DGKB: variants seen among roughly 807,000 people sequenced by gnomAD.
DGKB encodes 90 kDa diacylglycerol kinase.
Under a neutral mutation model 114.3 loss-of-function variants are expected in DGKB, and 67 were observed. The ratio of observed to expected loss-of-function variants is 0.59; its 90% CI spans 0.48 to 0.72. DGKB has a LOEUF of 0.72. Ranked by LOEUF, DGKB falls within the 30% of genes least tolerant of loss-of-function variation. DGKB has a pLI of 0.00. For synonymous variants in DGKB, 398 were observed against 323.1 expected (o/e 1.23, Z -2.49); for missense variants, 907 against 975.2 (o/e 0.93, Z 0.93).
At chr7:14,853,623 G>A (rs1363252694) in intron 1 of DGKB, among the ~76,000 whole-genome samples, 3 of 151,732 alleles carry the variant, frequency 2.0e-5, no homozygotes, top group African/African-American at 7.3e-5. Flanking sequence ...TTGGGAGGCC[G>A]AGGTGGGCGG....
chr7:14,515,510 C>T (rs1308086972), intron 20 of DGKB, among the ~76,000 whole-genome samples: 2 of 152,098 alleles, frequency 1.3e-5, no homozygotes, highest in Admixed American at 1.3e-4. Context: ...ATATATTAAA[C>T]TACGTTTTCA....
chr7:14,176,539 A>C (rs1202374534), intron 25 of DGKB: 2 of 1,057,754 alleles, frequency 1.9e-6, no homozygotes, highest in Admixed American at 1.0e-4. Context: ...ATAAACTTTT[A>C]TTAATATTTT....
At chr7:14,603,265 T>C (rs1383561256) in intron 17 of DGKB, among the ~76,000 whole-genome samples, 2 of 152,166 alleles carry the variant, frequency 1.3e-5, no homozygotes, top group Non-Finnish European at 2.9e-5. Context: ...TTTTATTTTA[T>C]GATTAATCAT....
chr7:14,217,069 G>A (rs1789103339), intron 23 of DGKB, among the ~76,000 whole-genome samples: 1 of 152,060 alleles, frequency 6.6e-6, no homozygotes, highest in Admixed American at 6.6e-5. Flanking sequence ...TATGAATTGA[G>A]AAAGCCACTT....
In DGKB at chr7:14,338,645, T is replaced by G. The variant is rs1282617499; in HGVS notation, c.1992A>C (p.Pro664=). 1 of 1,605,470 alleles carries G rather than the reference T, an allele frequency of 6.2e-7. No homozygotes were observed. Among genetic ancestry groups the G allele is most frequent in the Non-Finnish European group, 8.5e-7 (1 of 1,175,090 alleles). ...AAAGATTGGATCCTCCATGCATGCT[T>G]GGTATATTCAAAATAGCAATTCCTT... The part of the protein sequence containing the change: ...SLEGIAILNI[P]SMHGGSNLWG... Residue 664 remains proline (P), a synonymous_variant, in exon 23 of 26, where the codon CCA becomes CCC. Coordinates refer to ENST00000402815, the MANE Select transcript of DGKB (RefSeq NM_001350709.2).
intron 1 of DGKB, among the ~76,000 whole-genome samples, chr7:14,943,979 G>C (rs1018728746): frequency 1.3e-5 from 2 of 151,826 alleles, no homozygotes; most frequent in Non-Finnish European, 2.9e-5. Flanking sequence ...CTCTTGAAAA[G>C]TGTGTTCATT....
chr7:14,671,636 G>A (rs1160613935), intron 13 of DGKB, among the ~76,000 whole-genome samples: 1 of 152,128 alleles, frequency 6.6e-6, no homozygotes, highest in Non-Finnish European at 1.5e-5. Flanking sequence ...AGTGGGCCAA[G>A]GAGGCAGACC....
At chr7:14,218,104 C>T (rs893566068) in intron 23 of DGKB, among the ~76,000 whole-genome samples, 1 of 152,058 alleles carries the variant, frequency 6.6e-6, no homozygotes, top group Non-Finnish European at 1.5e-5. Flanking sequence ...CCAGATGAAA[C>T]TTCGTGTTCA....
At chr7:14,533,061 C>T (rs1356910120) in intron 20 of DGKB, among the ~76,000 whole-genome samples, 1 of 151,712 alleles carries the variant, frequency 6.6e-6, no homozygotes, top group Non-Finnish European at 1.5e-5. Context: ...AAGTACCTGT[C>T]AAAGAATTCA....
At chr7:14,226,410 C>T (rs376686548) in intron 23 of DGKB, among the ~76,000 whole-genome samples, 11 of 151,738 alleles carry the variant, frequency 7.2e-5, no homozygotes, top group East Asian at 5.9e-4. Flanking sequence ...TTTTTAAAGG[C>T]GTGTAGATTA....
intron 1 of DGKB, among the ~76,000 whole-genome samples, chr7:14,943,272 A>T (rs1785675255): frequency 1.3e-5 from 2 of 151,974 alleles, no homozygotes; most frequent in Non-Finnish European, 2.9e-5. Flanking sequence ...GAAAAAAATC[A>T]TGTTCATATA....
At chr7:14,379,790 C>T (rs1182655576) in intron 21 of DGKB, among the ~76,000 whole-genome samples, 2 of 152,224 alleles carry the variant, frequency 1.3e-5, no homozygotes, top group African/African-American at 4.8e-5. Flanking sequence ...GATCTCCTGA[C>T]CTCGTGATCT....
intron 23 of DGKB, among the ~76,000 whole-genome samples, chr7:14,206,091 G>A (rs1786762539): frequency 6.6e-6 from 1 of 151,868 alleles, no homozygotes; most frequent in East Asian, 1.9e-4. Flanking sequence ...CTTAAAACTT[G>A]GCTTTACTGA....
At chr7:14,209,128 T>C in intron 23 of DGKB, 1 of 213,568 alleles carries the variant, frequency 4.7e-6, no homozygotes, top group Non-Finnish European at 9.4e-6. Flanking sequence ...AGTCCTTATA[T>C]ATTGAGGACA....
rs529384219 is a variant in DGKB at position 14,840,958 on chromosome 7, T to C, written c.70+236A>G. On this transcript the variant is annotated intron_variant, in intron 2 of 25. Coordinates refer to ENST00000402815, the MANE Select transcript of DGKB (RefSeq NM_001350709.2). ...CAGCTAGAGTGTTTTCCAAGCCTAA[T>C]TGTGCACCTAACATTTTAGTTCCTT... 1.4e-4 allele frequency among the ~76,000 whole-genome samples: 21 copies of C among 152,252 alleles called. 1 individual carries two copies. Among genetic ancestry groups the C allele is most frequent in the African/African-American group, 4.8e-4 (20 of 41,542 alleles).
intron 16 of DGKB, among the ~76,000 whole-genome samples, chr7:14,612,776 T>C (rs1805797804): frequency 6.6e-6 from 1 of 152,150 alleles, no homozygotes; most frequent in Non-Finnish European, 1.5e-5. Context: ...ATTTTCATAT[T>C]TGTATTAAAT....
At chr7:14,338,986 C>T (rs888988147) in intron 22 of DGKB, among the ~76,000 whole-genome samples, 6 of 151,896 alleles carry the variant, frequency 4.0e-5, no homozygotes, top group African/African-American at 7.3e-5. Context: ...GGGAGAGACT[C>T]GTTAGCATCT....
At chr7:14,219,789 T>G (rs2128320942) in intron 23 of DGKB, among the ~76,000 whole-genome samples, 1 of 151,922 alleles carries the variant, frequency 6.6e-6, no homozygotes, top group Middle Eastern at 3.4e-3. Context: ...AAGTCCAATT[T>G]ACATATTTTT....
At chr7:14,188,883 C>T (rs1252230055) in intron 23 of DGKB, among the ~76,000 whole-genome samples, 1 of 151,698 alleles carries the variant, frequency 6.6e-6, no homozygotes, top group African/African-American at 2.4e-5. Context: ...ATGATATATT[C>T]AAAGTGCTGA....
Sources: gnomAD v4.1 joint callset for allele counts (sites outside exome capture counted in the v4.1 genomes callset) on GRCh38, gnomAD v4.1.1 for gene constraint, MANE v1.5 for transcripts, NCBI Gene and HGNC (gene_info 2026-07-23, HGNC 2026-07-21) for gene names.